Variants in SDK1 observed in about 807,000 individuals in gnomAD.
SDK1 encodes protein sidekick-1.
In SDK1, 157 loss-of-function variants were observed where a neutral mutation model predicts 245.5. That is an observed-to-expected ratio of 0.64 (90% CI 0.56 to 0.73). SDK1 has a LOEUF of 0.73. Ranked by LOEUF, SDK1 falls within the 30% of genes least tolerant of loss-of-function variation. SDK1 has a pLI of 0.00. For synonymous variants in SDK1, 1,647 were observed against 1,278.5 expected (o/e 1.29, Z -6.15); for missense variants, 3,583 against 3,002.3 (o/e 1.19, Z -4.52).
At chr7:3,527,501 C>T (rs919815210) in intron 1 of SDK1, among the ~76,000 whole-genome samples, 7 of 152,118 alleles carry the variant, frequency 4.6e-5, no homozygotes, top group African/African-American at 1.4e-4. Context: ...GCTGGAGTGT[C>T]TCAGGGCCAG....
At chr7:3,628,148 C>T (rs1191248325) in intron 2 of SDK1, among the ~76,000 whole-genome samples, 1 of 152,072 alleles carries the variant, frequency 6.6e-6, no homozygotes, top group Admixed American at 6.6e-5. Context: ...CATGTATAAT[C>T]CCAGGCCTGA....
rs537904105 is a variant in SDK1 at position 3,567,971 on chromosome 7, C to T, written c.299-51109C>T. Among the ~76,000 whole-genome samples, 8 of 152,246 alleles carry T rather than the reference C, an allele frequency of 5.3e-5. No individual in the cohort carries two copies. In the South Asian group the frequency reaches 6.2e-4, roughly 12 times the overall value. The stretch of plus-strand genomic sequence containing the variant: ...AGCTGGGACCACAGGTATGCACAAC[C>T]ATGCCTGGCTAATTTTTTGATTGTT... On this transcript the variant is annotated intron_variant, in intron 1 of 44. Transcript: ENST00000404826.
intron 1 of SDK1, among the ~76,000 whole-genome samples, chr7:3,447,489 C>T (rs1475729249): frequency 1.3e-5 from 2 of 152,062 alleles, no homozygotes; most frequent in East Asian, 3.9e-4. Flanking sequence ...ATAAATTGGA[C>T]CATTCGCTAA....
At chr7:3,585,615 C>T (rs1780661113) in intron 1 of SDK1, among the ~76,000 whole-genome samples, 1 of 152,112 alleles carries the variant, frequency 6.6e-6, no homozygotes, top group Non-Finnish European at 1.5e-5. Context: ...TCCTGGATTC[C>T]TGAGGTACAT....
chr7:3,306,126 C>T (rs761540248), intron 1 of SDK1, among the ~76,000 whole-genome samples: 5 of 152,128 alleles, frequency 3.3e-5, no homozygotes, highest in Admixed American at 6.5e-5. Context: ...AAGGGAAAGA[C>T]GGTGGTTGAT....
In SDK1 at chr7:3,553,637, C is replaced by G. The variant is rs939567662; in HGVS notation, c.299-65443C>G. Among the ~76,000 whole-genome samples, 5 of 152,286 alleles carry G rather than the reference C, an allele frequency of 3.3e-5. No homozygotes were observed. The East Asian group carries it at 7.7e-4, about 24-fold the overall frequency. On this transcript the variant is annotated intron_variant, in intron 1 of 44. Coordinates refer to ENST00000404826, the MANE Select transcript of SDK1 (RefSeq NM_152744.4). Reference sequence around the variant, plus strand: ...GCAAGCAGCCAAGGGAAATACTCTTCTTTCTTGCTGAGATACCCTTTTCCA... The same window carrying G: ...GCAAGCAGCCAAGGGAAATACTCTTGTTTCTTGCTGAGATACCCTTTTCCA...
intron 4 of SDK1, among the ~76,000 whole-genome samples, chr7:3,660,027 A>C (rs1783304936): frequency 6.6e-6 from 1 of 152,198 alleles, no homozygotes; most frequent in Non-Finnish European, 1.5e-5. Context: ...GGTGACAACA[A>C]TTAACCAGAT....
At chr7:3,570,470 A>G (rs1407478486) in intron 1 of SDK1, among the ~76,000 whole-genome samples, 1 of 152,118 alleles carries the variant, frequency 6.6e-6, no homozygotes, top group Non-Finnish European at 1.5e-5. Context: ...GTACCCGTCC[A>G]CAGCCCGGAG....
intron 5 of SDK1, among the ~76,000 whole-genome samples, chr7:3,868,214 T>C (rs1780868732): frequency 6.6e-6 from 1 of 152,240 alleles, no homozygotes; most frequent in Admixed American, 6.5e-5. Context: ...GTGTTATTAT[T>C]TATTGTTTAT....
chr7:3,633,533 G>C (rs1228248554), intron 2 of SDK1, among the ~76,000 whole-genome samples: 1 of 152,074 alleles, frequency 6.6e-6, no homozygotes, highest in Non-Finnish European at 1.5e-5. Context: ...ATGTGTCCCA[G>C]TTTAAGGGGA....
At chr7:3,919,858 G>A (rs895607921) in intron 5 of SDK1, among the ~76,000 whole-genome samples, 2 of 152,100 alleles carry the variant, frequency 1.3e-5, no homozygotes, top group Admixed American at 1.3e-4. Context: ...TGGACCTCAG[G>A]GAGGTCACAT....
chr7:3,719,716 C>T (rs780751248), intron 4 of SDK1, among the ~76,000 whole-genome samples: 5 of 152,058 alleles, frequency 3.3e-5, no homozygotes, highest in Admixed American at 6.5e-5. Flanking sequence ...TGGTGGCTCA[C>T]GCCTGTAATC....
chr7:4,125,622 T>C (rs535467302), intron 25 of SDK1, among the ~76,000 whole-genome samples: 1 of 152,280 alleles, frequency 6.6e-6, no homozygotes, highest in South Asian at 2.1e-4. Context: ...CTGCTGTTCT[T>C]GGAGCCCTAG....
At chr7:3,960,913 A>C (rs972175742) in intron 8 of SDK1, among the ~76,000 whole-genome samples, 2 of 152,256 alleles carry the variant, frequency 1.3e-5, no homozygotes, top group African/African-American at 4.8e-5. Context: ...CAGAAATAAG[A>C]GTATACAATA....
chr7:3,874,480 G>A (rs912346176), intron 5 of SDK1, among the ~76,000 whole-genome samples: 2 of 152,116 alleles, frequency 1.3e-5, no homozygotes, highest in Non-Finnish European at 2.9e-5. Context: ...TTAGGCAGGT[G>A]CCTGTGAATC....
At chr7:3,502,796 G>C (rs1466312181) in intron 1 of SDK1, among the ~76,000 whole-genome samples, 1 of 152,158 alleles carries the variant, frequency 6.6e-6, no homozygotes, top group African/African-American at 2.4e-5. Context: ...TTACACGTGA[G>C]AGGGCTGTTT....
intron 31 of SDK1, among the ~76,000 whole-genome samples, chr7:4,160,951 AG>A (rs1160008124): frequency 1.3e-5 from 2 of 152,216 alleles, no homozygotes; most frequent in African/African-American, 4.8e-5. Flanking sequence ...GGCATCTGCT[AG>A]ATGCACAAGT....
At position 3,466,993 on chromosome 7, in the gene SDK1, C is replaced by CT. The variant is rs1320486858; in HGVS notation, c.299-152087_299-152086insT. On this transcript the variant is annotated intron_variant, in intron 1 of 44. Coordinates refer to ENST00000404826, the MANE Select transcript of SDK1 (RefSeq NM_152744.4). Reference sequence around the variant, plus strand: ...CTCTCTCTCTCTACACACACACACACACACACACACACACACACACACACA... The same window carrying CT: ...CTCTCTCTCTCTACACACACACACACTACACACACACACACACACACACACA... Among the ~76,000 whole-genome samples, 173 of 140,786 alleles carry CT rather than the reference C, an allele frequency of 1.2e-3. 1 individual carries two copies. Among genetic ancestry groups the CT allele is most frequent in the East Asian group, 2.4e-3 (12 of 5,050 alleles). 92.4% of individuals were successfully genotyped at this position (140,786 alleles called of 152,430 possible).
intron 1 of SDK1, among the ~76,000 whole-genome samples, chr7:3,306,820 G>C (rs1016414225): frequency 6.6e-6 from 1 of 152,162 alleles, no homozygotes; most frequent in African/African-American, 2.4e-5. Flanking sequence ...CTTTCTGCCT[G>C]CCTGCCTTAC....
Sources: gnomAD v4.1 joint callset for allele counts (sites outside exome capture counted in the v4.1 genomes callset) on GRCh38, gnomAD v4.1.1 for gene constraint, MANE v1.5 for transcripts, NCBI Gene and HGNC (gene_info 2026-07-23, HGNC 2026-07-21) for gene names.